The following CTBP2 variants were observed in gnomAD, a reference collection of about 807,000 sequenced individuals.
CTBP2 encodes C-terminal binding protein 2, also known as C-terminal-binding protein 2.
CTBP2 carries 30 observed loss-of-function variants against 80.3 expected under a neutral mutation model. The ratio of observed to expected loss-of-function variants is 0.37; its 90% CI spans 0.28 to 0.51. CTBP2 has a LOEUF of 0.51. CTBP2 is among the 20% of genes least tolerant of loss of function. The pLI is 0.93. For missense variants in CTBP2, 1,212 were observed against 1,375.3 expected, an observed-to-expected ratio of 0.88 and a Z score of 1.88; for synonymous variants, 594 against 587.4, an observed-to-expected ratio of 1.01 and a Z score of -0.16.
rs201806483 is a variant in CTBP2 at position 124,993,837 on chromosome 10, G to T, written c.2531+18C>A. On this transcript the variant is annotated intron_variant, in intron 6 of 8. Coordinates refer to ENST00000309035, the MANE Select transcript of CTBP2 (RefSeq NM_022802.3). ...TGGGCCCTGTGGGCTCCTGGTAGGC[G>T]GCTGGGGCAACACGCACCTGAAGGG... The T allele has an allele frequency of 1.9e-6, 3 of 1,604,304 alleles. No homozygotes were observed. Among genetic ancestry groups the T allele is most frequent in the Admixed American group, 1.7e-5 (1 of 58,934 alleles).
chr10:125,103,628 A>C (rs1029542106), intron 2 of CTBP2, among the ~76,000 whole-genome samples: 15 of 152,136 alleles, frequency 9.9e-5, no homozygotes, highest in Non-Finnish European at 1.9e-4. Context: ...CTTCTGCGAC[A>C]TGCAGAAGAG....
In CTBP2 at chr10:125,039,207, G is replaced by A; in HGVS notation, c.-101-52C>T. The A allele has an allele frequency of 8.1e-6, 5 of 618,822 alleles. No individual in the cohort carries two copies. In the Admixed American group the frequency reaches 1.6e-4, roughly 20 times the overall value. The allele number at this position is 618,822 out of a possible 1,614,324, so 38.3% of individuals were successfully genotyped here. A position where few individuals can be genotyped will look rare whatever the true frequency, so the allele number is the denominator to read the frequency against. On this transcript the variant is annotated intron_variant, in intron 2 of 10. Transcript: ENST00000337195. ...CTCTCTGGAGACCCTCTGGGCACAG[G>A]ACAACAGCTCACTGGGGACTTAACT...
chr10:125,027,382 G>A lies in CTBP2; in HGVS notation c.378C>T (p.Leu126=), dbSNP rs1172536077. Residue 126 remains leucine (L), a synonymous_variant, in exon 1 of 9, where the codon CTC becomes CTT. Transcript: ENST00000309035. ...GCCGGCTGACTCCTGGGTCCCGATA[G>A]AGGGGAGGCTCTTTGGGTACCCTAG... 2 of 1,613,532 alleles carry A rather than the reference G, an allele frequency of 1.2e-6. No individual in the cohort carries two copies. Among genetic ancestry groups the A allele is most frequent in the Non-Finnish European group, 1.7e-6 (2 of 1,180,012 alleles).
chr10:125,131,033 G>A (rs1419938646), intron 1 of CTBP2, among the ~76,000 whole-genome samples: 1 of 152,222 alleles, frequency 6.6e-6, no homozygotes, highest in Admixed American at 6.5e-5. Context: ...GAGGCAGACA[G>A]GCGGGGAGGC....
At chr10:125,092,273 C>T (rs1848889225) in intron 2 of CTBP2, among the ~76,000 whole-genome samples, 1 of 149,728 alleles carries the variant, frequency 6.7e-6, no homozygotes. Flanking sequence ...TCACTGCAAC[C>T]TCTGCCTTCT....
At chr10:125,077,664 A>G (rs556053573) in intron 2 of CTBP2, among the ~76,000 whole-genome samples, 1 of 152,154 alleles carries the variant, frequency 6.6e-6, no homozygotes, top group Non-Finnish European at 1.5e-5. Flanking sequence ...AACAACTGGG[A>G]GCCTGCCTAA....
At chr10:125,044,776 CA>C (rs768855976) in intron 2 of CTBP2, among the ~76,000 whole-genome samples, 9 of 152,288 alleles carry the variant, frequency 5.9e-5, no homozygotes, top group Non-Finnish European at 1.0e-4. Context: ...AAACTTAAAG[CA>C]ACAGCAAAGC....
chr10:125,101,189 A>C (rs1275417084), intron 2 of CTBP2, among the ~76,000 whole-genome samples: 28 of 152,254 alleles, frequency 1.8e-4, no homozygotes, highest in Non-Finnish European at 1.3e-4. Context: ...GCAGGAGTCC[A>C]GACCCAGTGA....
chr10:125,017,445 T>G (rs1389055859), intron 1 of CTBP2, among the ~76,000 whole-genome samples: 1 of 152,182 alleles, frequency 6.6e-6, no homozygotes, highest in Non-Finnish European at 1.5e-5. Flanking sequence ...AGAGCAGAAT[T>G]CCCACCTATC....
intron 1 of CTBP2, among the ~76,000 whole-genome samples, chr10:125,131,689 A>G (rs1407327998): frequency 6.6e-6 from 1 of 152,234 alleles, no homozygotes; most frequent in African/African-American, 2.4e-5. Context: ...CTAAATCACA[A>G]GAACATCAGG....
intron 2 of CTBP2, among the ~76,000 whole-genome samples, chr10:125,073,334 A>T (rs1331011222): frequency 6.6e-6 from 1 of 152,150 alleles, no homozygotes; most frequent in African/African-American, 2.4e-5. Flanking sequence ...AGTTCAATTG[A>T]CCAGGTTCAA....
intron 2 of CTBP2, among the ~76,000 whole-genome samples, chr10:125,067,110 T>G (rs1158082480): frequency 6.6e-6 from 1 of 152,184 alleles, no homozygotes; most frequent in Non-Finnish European, 1.5e-5. Context: ...CTTTCAAGAA[T>G]TTTTTTATTT....
At chr10:125,074,995 G>A (rs78509941) in intron 2 of CTBP2, among the ~76,000 whole-genome samples, 12,438 of 152,208 alleles carry the variant, frequency 0.082, 555 homozygotes, top group Middle Eastern at 0.17. Context: ...CCTAACTGAC[G>A]CCAGGCAGAC....
intron 1 of CTBP2, among the ~76,000 whole-genome samples, chr10:125,130,272 TC>T (rs1229743924): frequency 6.6e-6 from 1 of 152,112 alleles, no homozygotes; most frequent in Non-Finnish European, 1.5e-5. Context: ...GGTCTCGAAC[TC>T]CTGACCTCAG....
intron 2 of CTBP2, among the ~76,000 whole-genome samples, chr10:125,103,727 GGT>G (rs1209433024): frequency 6.6e-6 from 1 of 152,182 alleles, no homozygotes; most frequent in African/African-American, 2.4e-5. Context: ...CGCGGAAGTG[GGT>G]GATAGGGAGG....
intron 2 of CTBP2, among the ~76,000 whole-genome samples, chr10:125,089,427 C>A (rs1384497716): frequency 1.3e-5 from 2 of 152,166 alleles, no homozygotes; most frequent in Non-Finnish European, 2.9e-5. Flanking sequence ...CGGTGTGGCT[C>A]AGGGGGAGCA....
At chr10:125,062,928 T>C (rs1264816392) in intron 2 of CTBP2, among the ~76,000 whole-genome samples, 2 of 152,212 alleles carry the variant, frequency 1.3e-5, no homozygotes, top group Non-Finnish European at 2.9e-5. Flanking sequence ...TGTGCACCCG[T>C]TTTCCTAATG....
At position 125,026,236 on chromosome 10, in the gene CTBP2, G is replaced by A. The variant is rs1201988528; in HGVS notation, c.1524C>T (p.Ser508=). The A allele has an allele frequency of 6.2e-7, 1 of 1,613,650 alleles. No homozygotes were observed. The highest frequency in any genetic ancestry group is 8.5e-7 in the Non-Finnish European group (1 of 1,179,940). Residue 508 remains serine (S), a synonymous_variant, in exon 1 of 9, where the codon AGC becomes AGT. Coordinates refer to ENST00000309035, the MANE Select transcript of CTBP2 (RefSeq NM_022802.3). Reference sequence around the variant, plus strand: ...CACCTGGCTTCCGCAAGACCTGGGGGCTGCCGTGAGGGCTGGGCAGCGGAG... The same window carrying A: ...CACCTGGCTTCCGCAAGACCTGGGGACTGCCGTGAGGGCTGGGCAGCGGAG...
rs1338113024 is a variant in CTBP2, at chr10:124,993,796, G to C, written c.2531+59C>G. ...AAAGGGCCTCGAGTTCAAAGTGTGG[G>C]GGTCAGGTGTGGAGCTGGGCCCTGT... On this transcript the variant is annotated intron_variant, in intron 6 of 8. Coordinates refer to ENST00000309035, the MANE Select transcript of CTBP2 (RefSeq NM_022802.3). The C allele has an allele frequency of 4.5e-6, 7 of 1,553,334 alleles. No individual in the cohort carries two copies. In the East Asian group the frequency reaches 1.4e-4, roughly 30 times the overall value.
Sources: allele counts gnomAD v4.1 joint callset (sites outside exome capture counted in the v4.1 genomes callset), GRCh38; gene constraint gnomAD v4.1.1; transcripts MANE v1.5; gene names NCBI Gene and HGNC (gene_info 2026-07-23, HGNC 2026-07-21).